Variants in ITFG1 observed in about 807,000 individuals in gnomAD.
The protein encoded by ITFG1 is T-cell immunomodulatory protein.
A neutral mutation model predicts 81.8 loss-of-function variants in ITFG1; 34 were observed. The ratio of observed to expected loss-of-function variants is 0.42; its 90% CI spans 0.32 to 0.55. The LOEUF is 0.55. ITFG1 is among the 20% of genes least tolerant of loss of function. The pLI is 0.17. For synonymous variants in ITFG1, 285 were observed against 270.6 expected, an observed-to-expected ratio of 1.05 and a Z score of -0.52; for missense variants, 672 against 755.4, an observed-to-expected ratio of 0.89 and a Z score of 1.29.
chr16:47,300,862 C>A (rs1341587212), intron 10 of ITFG1, among the ~76,000 whole-genome samples: 1 of 152,118 alleles, frequency 6.6e-6, no homozygotes, highest in Non-Finnish European at 1.5e-5. Flanking sequence ...GATAAATACA[C>A]AGCACAGTAA....
intron 6 of ITFG1, among the ~76,000 whole-genome samples, chr16:47,425,222 A>G (rs1285570095): frequency 6.6e-6 from 1 of 152,106 alleles, no homozygotes; most frequent in Non-Finnish European, 1.5e-5. Context: ...GCAGTGAGCA[A>G]CACTCCGTGG....
intron 12 of ITFG1, among the ~76,000 whole-genome samples, chr16:47,242,309 T>C (rs1965944255): frequency 6.7e-6 from 1 of 149,640 alleles, no homozygotes; most frequent in Non-Finnish European, 1.5e-5. Context: ...AGAAGCAATA[T>C]CTGGAAGAGA....
intron 6 of ITFG1, among the ~76,000 whole-genome samples, chr16:47,382,387 T>C (rs1968406276): frequency 6.6e-6 from 1 of 152,216 alleles, no homozygotes. Flanking sequence ...CCAAGAATCA[T>C]TTTAAAATTT....
intron 14 of ITFG1, among the ~76,000 whole-genome samples, chr16:47,181,482 G>A (rs1308188833): frequency 3.6e-5 from 5 of 138,044 alleles, no homozygotes; most frequent in East Asian, 2.3e-4. Flanking sequence ...CCGGCCAGCC[G>A]CCCCGTCCGG....
chr16:47,353,835 A>T (rs1368235365), intron 8 of ITFG1, among the ~76,000 whole-genome samples: 1 of 152,146 alleles, frequency 6.6e-6, no homozygotes, highest in Non-Finnish European at 1.5e-5. Flanking sequence ...GCCTAAGGAG[A>T]TGAAAGATCT....
chr16:47,181,053 C>T (rs114901643), intron 14 of ITFG1, among the ~76,000 whole-genome samples: 2,961 of 142,716 alleles, frequency 0.021, 99 homozygotes, highest in African/African-American at 0.074. Context: ...TAGGAAGTCA[C>T]GAGCGCCTCT....
At chr16:47,269,429 G>T (rs1387942626) in intron 10 of ITFG1, among the ~76,000 whole-genome samples, 2 of 148,508 alleles carry the variant, frequency 1.3e-5, no homozygotes, top group Non-Finnish European at 3.0e-5. Flanking sequence ...CAGGAGGATT[G>T]CTTGAGCCCA....
intron 8 of ITFG1, among the ~76,000 whole-genome samples, chr16:47,327,718 T>C (rs1270891001): frequency 3.3e-5 from 5 of 152,010 alleles, no homozygotes; most frequent in African/African-American, 9.7e-5. Flanking sequence ...AAAAAACACA[T>C]GAAAAAATGC....
chr16:47,434,945 T>C (rs1193005181), intron 5 of ITFG1, among the ~76,000 whole-genome samples: 1 of 152,216 alleles, frequency 6.6e-6, no homozygotes, highest in Non-Finnish European at 1.5e-5. Flanking sequence ...AAACATTACA[T>C]GTTCTCACTT....
chr16:47,392,056 G>A (rs930910510), intron 6 of ITFG1, among the ~76,000 whole-genome samples: 1 of 152,156 alleles, frequency 6.6e-6, no homozygotes, highest in African/African-American at 2.4e-5. Flanking sequence ...AAGATAAGAA[G>A]TGTCCATGTG....
intron 10 of ITFG1, among the ~76,000 whole-genome samples, chr16:47,278,138 T>C (rs984978877): frequency 6.6e-6 from 1 of 152,220 alleles, no homozygotes; most frequent in Admixed American, 6.5e-5. Context: ...CTGCTTCCAG[T>C]CTTTATTTAA....
chr16:47,455,080 G>T (rs1446916983), intron 2 of ITFG1, among the ~76,000 whole-genome samples: 3 of 152,276 alleles, frequency 2.0e-5, no homozygotes, highest in Admixed American at 2.0e-4. Context: ...CTAGACACAG[G>T]AGTTAACCAA....
At chr16:47,390,461 T>C (rs892568174) in intron 6 of ITFG1, among the ~76,000 whole-genome samples, 3 of 152,104 alleles carry the variant, frequency 2.0e-5, no homozygotes, top group Non-Finnish European at 4.4e-5. Context: ...TGTTTATTAT[T>C]ATTTATTTAT....
At chr16:47,368,001 G>A (rs1968199137) in intron 7 of ITFG1, among the ~76,000 whole-genome samples, 1 of 152,120 alleles carries the variant, frequency 6.6e-6, no homozygotes. Context: ...ACTTTGGGAG[G>A]TCGAGGCGGG....
At chr16:47,237,583 T>C (rs1451122939) in intron 13 of ITFG1, among the ~76,000 whole-genome samples, 1 of 152,224 alleles carries the variant, frequency 6.6e-6, no homozygotes, top group Admixed American at 6.5e-5. Flanking sequence ...TTGCCTACTA[T>C]ATGCTTGTCT....
chr16:47,320,828 G>A (rs576061381), intron 8 of ITFG1, among the ~76,000 whole-genome samples: 1 of 152,280 alleles, frequency 6.6e-6, no homozygotes, highest in Admixed American at 6.5e-5. Flanking sequence ...CTCCTGGAAG[G>A]ACAGAAGTAC....
At chr16:47,365,969 C>G in intron 7 of ITFG1, 100 bp from the exon 8 acceptor site, 1 of 660,566 alleles carries the variant, frequency 1.5e-6, no homozygotes, top group Non-Finnish European at 2.7e-6. Context: ...TAAATAACTT[C>G]AGTATTTTGT....
intron 6 of ITFG1, among the ~76,000 whole-genome samples, chr16:47,387,275 T>C (rs1968474354): frequency 2.0e-5 from 3 of 152,162 alleles, no homozygotes; most frequent in South Asian, 2.1e-4. Context: ...ATAATCTTTA[T>C]TGAAATAGTC....
intron 8 of ITFG1, among the ~76,000 whole-genome samples, chr16:47,350,570 T>A (rs551513037): frequency 1.3e-5 from 2 of 152,118 alleles, no homozygotes; most frequent in Admixed American, 1.3e-4. Flanking sequence ...AGGCAATAAT[T>A]AATAGCTTAC....
Sources: allele counts gnomAD v4.1 joint callset (sites outside exome capture counted in the v4.1 genomes callset), GRCh38; gene constraint gnomAD v4.1.1; transcripts MANE v1.5; gene names NCBI Gene and HGNC (gene_info 2026-07-23, HGNC 2026-07-21).